The following TSPAN9 variants were observed in gnomAD, a reference collection of about 807,000 sequenced individuals.
TSPAN9 encodes the protein tetraspanin-9.
In TSPAN9, 16 loss-of-function variants were observed where a neutral mutation model predicts 31.0. The ratio of observed to expected loss-of-function variants is 0.52; its 90% CI spans 0.35 to 0.78. The LOEUF is 0.78. TSPAN9 is among the 30% of genes least tolerant of loss of function. The pLI is 0.01. For missense variants in TSPAN9, 272 were observed against 312.5 expected (o/e 0.87, Z 0.98); for synonymous variants, 145 against 121.6 (o/e 1.19, Z -1.27).
intron 2 of TSPAN9, among the ~76,000 whole-genome samples, chr12:3,112,864 G>T (rs1366089121): frequency 6.6e-6 from 1 of 151,570 alleles, no homozygotes; most frequent in Non-Finnish European, 1.5e-5. Context: ...TAATTTTTTT[G>T]TAGAGATAAG....
chr12:3,167,508 G>T (rs772564632), intron 2 of TSPAN9, among the ~76,000 whole-genome samples: 1 of 152,236 alleles, frequency 6.6e-6, no homozygotes, highest in Non-Finnish European at 1.5e-5. Flanking sequence ...TCTTCTTAAT[G>T]ATTAGGATGG....
intron 2 of TSPAN9, among the ~76,000 whole-genome samples, chr12:3,096,921 A>G (rs1207679184): frequency 6.6e-6 from 1 of 152,066 alleles, no homozygotes; most frequent in Non-Finnish European, 1.5e-5. Flanking sequence ...GATGGTCTCG[A>G]TCTTCTCACC....
At chr12:3,145,303 A>G (rs1021822853) in intron 2 of TSPAN9, among the ~76,000 whole-genome samples, 3 of 152,178 alleles carry the variant, frequency 2.0e-5, no homozygotes, top group African/African-American at 7.2e-5. Context: ...CCTGACTGCC[A>G]GTCCATGGTG....
Position 3,109,307 on chromosome 12 carries a change from A to AGAGAGAGTGTGT in TSPAN9, c.-18+25589_-18+25590insAGAGAGTGTGTG, listed in dbSNP as rs560687812. Among the ~76,000 whole-genome samples the AGAGAGAGTGTGT allele has an allele frequency of 7.4e-3, 1,066 of 143,294 alleles. 14 individuals carry two copies. Among genetic ancestry groups the AGAGAGAGTGTGT allele is most frequent in the African/African-American group, 0.028 (1,019 of 36,124 alleles). The allele number at this position is 143,294 out of a possible 152,430, so 94.0% of individuals were successfully genotyped here. On this transcript the variant is annotated intron_variant, in intron 2 of 8. Coordinates refer to ENST00000011898, the MANE Select transcript of TSPAN9 (RefSeq NM_006675.5). ...GTGTGTGTGTGTGTGTGTGAGAGAGAGTGTGTGTGTGTGTGTGTGTTTGTG... is the reference window on the plus strand; with the variant it reads ...GTGTGTGTGTGTGTGTGTGAGAGAGAGAGAGAGTGTGTGTGTGTGTGTGTGTGTGTGTTTGTG...
chr12:3,108,607 A>G (rs990951313), intron 2 of TSPAN9, among the ~76,000 whole-genome samples: 3 of 151,964 alleles, frequency 2.0e-5, no homozygotes, highest in Admixed American at 2.0e-4. Context: ...GTTCAGGGAA[A>G]TTTTCTTGAG....
intron 2 of TSPAN9, among the ~76,000 whole-genome samples, chr12:3,177,274 A>T (rs933148266): frequency 6.6e-6 from 1 of 151,964 alleles, no homozygotes; most frequent in African/African-American, 2.4e-5. Context: ...AGTAGCTGGG[A>T]CTACAGGTGC....
At position 3,191,411 on chromosome 12, in the gene TSPAN9, T is replaced by TC. The variant is rs368185222; in HGVS notation, c.-17-9760dup. ...CCCCCTGCCAGGGTGCTCTTCCCCTTCCCCCCTGCCTGTCCAGTGCCATTT... is the reference window on the plus strand; with the variant it reads ...CCCCCTGCCAGGGTGCTCTTCCCCTTCCCCCCCTGCCTGTCCAGTGCCATTT... On this transcript the variant is annotated intron_variant, in intron 2 of 8. Coordinates refer to ENST00000011898, the MANE Select transcript of TSPAN9 (RefSeq NM_006675.5). 5.1e-4 allele frequency among the ~76,000 whole-genome samples: 77 copies of TC among 151,982 alleles called. 1 individual carries two copies. The highest frequency in any genetic ancestry group is 1.2e-3 in the African/African-American group (50 of 41,438).
chr12:3,090,493 A>G (rs1990328), intron 2 of TSPAN9, among the ~76,000 whole-genome samples: 4,426 of 152,346 alleles, frequency 0.029, 212 homozygotes, highest in African/African-American at 0.1. Flanking sequence ...CTCCCCTGCT[A>G]CGTGGTTTCT....
chr12:3,174,204 G>C (rs1285461627), intron 2 of TSPAN9: 1 of 151,956 alleles, frequency 6.6e-6, no homozygotes, highest in African/African-American at 2.4e-5. Context: ...AGTACCTGGG[G>C]CTACAGGCAC....
In TSPAN9 at chr12:3,146,289, G is replaced by A. The variant is rs374925203; in HGVS notation, c.-17-54888G>A. ...GGATGGAGCCCGTTGGAGGAGGACA[G>A]CTTCCCCTGGGTGTCTCAAGGCCCT... On this transcript the variant is annotated intron_variant, in intron 2 of 8. Coordinates refer to ENST00000011898, the MANE Select transcript of TSPAN9 (RefSeq NM_006675.5). Among the ~76,000 whole-genome samples the A allele has an allele frequency of 2.0e-4, 30 of 152,336 alleles. No individual in the cohort carries two copies. In the East Asian group the frequency reaches 5.4e-3, roughly 27 times the overall value.
intron 2 of TSPAN9, among the ~76,000 whole-genome samples, chr12:3,089,421 C>T (rs2098302795): frequency 6.6e-6 from 1 of 150,536 alleles, no homozygotes; most frequent in East Asian, 2.1e-4. Flanking sequence ...CTCAGCCTCC[C>T]GAGTAGCTGG....
chr12:3,109,775 G>A (rs2098317368), intron 2 of TSPAN9, among the ~76,000 whole-genome samples: 1 of 134,754 alleles, frequency 7.4e-6, no homozygotes, highest in Non-Finnish European at 1.5e-5. Flanking sequence ...TCCAGCCTGG[G>A]CAACAAGAGC....
chr12:3,277,207 G>A (rs1256663598), intron 3 of TSPAN9, among the ~76,000 whole-genome samples: 1 of 152,226 alleles, frequency 6.6e-6, no homozygotes, highest in Non-Finnish European at 1.5e-5. Context: ...ACCAGGATAA[G>A]CTGGAGCCGG....
chr12:3,217,567 G>T (rs766602252), intron 3 of TSPAN9, among the ~76,000 whole-genome samples: 2 of 152,178 alleles, frequency 1.3e-5, no homozygotes, highest in Non-Finnish European at 2.9e-5. Context: ...GGAGGAAGTT[G>T]AGTCACCCCA....
rs113011804 is a variant in TSPAN9, at chr12:3,187,943, C to T, written c.-17-13234C>T. ...GCTCTTTGCCCAGATGCAGATGGAG[C>T]GTTTGCTCTGTAATGCTAATTCTCC... is the stretch of plus-strand genomic sequence containing the variant. On this transcript the variant is annotated intron_variant, in intron 2 of 8. Coordinates refer to ENST00000011898, the MANE Select transcript of TSPAN9 (RefSeq NM_006675.5). This position sits in a 1 kb window ranked among gnomAD's most constrained non-coding sequence, Gnocchi z 5.2. Among the ~76,000 whole-genome samples, 657 of 152,248 alleles carry T rather than the reference C, an allele frequency of 4.3e-3. 7 individuals are homozygous for T. The highest frequency in any genetic ancestry group is 0.015 in the African/African-American group (634 of 41,542).
At position 3,192,594 on chromosome 12, in the gene TSPAN9, C is replaced by T. The variant is rs768953234; in HGVS notation, c.-17-8583C>T. ...GGAGCACATCCGGGGCAAGGTCAGT[C>T]CCTCCTGGAGCTGTCTGGGAGACAG... On this transcript the variant is annotated intron_variant, in intron 2 of 8. Coordinates refer to ENST00000011898, the MANE Select transcript of TSPAN9 (RefSeq NM_006675.5). The surrounding 1 kb of genome is among the most constrained non-coding windows in gnomAD (Gnocchi z 4.6). 2.0e-5 allele frequency among the ~76,000 whole-genome samples: 3 copies of T among 152,100 alleles called. No individual in the cohort carries two copies. The highest frequency in any genetic ancestry group is 1.3e-4 in the Admixed American group (2 of 15,276).
At chr12:3,226,717 T>G (rs2098387475) in intron 3 of TSPAN9, among the ~76,000 whole-genome samples, 1 of 2,934 alleles carries the variant, frequency 3.4e-4, no homozygotes, top group Non-Finnish European at 1.1e-3. Context: ...TATGTGTATG[T>G]ATGTGTGTGT....
rs1565598209 is a variant in TSPAN9, at chr12:3,162,624, A to AG, written c.-17-38553_-17-38552insG. Among the ~76,000 whole-genome samples the AG allele has an allele frequency of 4.4e-4, 7 of 15,914 alleles. No individual in the cohort carries two copies. The Non-Finnish European group carries it at 4.5e-3, about 10-fold the overall frequency. The allele number at this position is 15,914 out of a possible 152,430, so 10.4% of individuals were successfully genotyped here. A position where few individuals can be genotyped will look rare whatever the true frequency, so the allele number is the denominator to read the frequency against. Reference sequence around the variant, plus strand: ...AGACCAGAGGTGATGAATGTTTAGAAAAAAAAAAAGTAATTTTCAGCTTTT... The same window carrying AG: ...AGACCAGAGGTGATGAATGTTTAGAAGAAAAAAAAAGTAATTTTCAGCTTTT... On this transcript the variant is annotated intron_variant, in intron 2 of 8. Transcript: ENST00000011898.
At chr12:3,120,142 T>G (rs900358611) in intron 2 of TSPAN9, among the ~76,000 whole-genome samples, 2 of 152,148 alleles carry the variant, frequency 1.3e-5, no homozygotes, top group Admixed American at 6.5e-5. Flanking sequence ...TTTCAGCTGG[T>G]GTTAATTGGA....
Sources: gnomAD v4.1 joint callset for allele counts (sites outside exome capture counted in the v4.1 genomes callset) on GRCh38, gnomAD v4.1.1 for gene constraint, Gnocchi (gnomAD v3.1) non-coding constraint, MANE v1.5 for transcripts, NCBI Gene and HGNC (gene_info 2026-07-23, HGNC 2026-07-21) for gene names.